The following THEMIS2 variants were observed in gnomAD, a reference collection of about 807,000 sequenced individuals.
The protein encoded by THEMIS2 is protein THEMIS2.
THEMIS2 carries 29 observed loss-of-function variants against 46.8 expected under a neutral mutation model. The observed-to-expected ratio is 0.62, with a 90% CI of 0.46 to 0.84. The LOEUF (loss-of-function observed/expected upper bound fraction) is 0.84. Among genes scored for constraint, THEMIS2 ranks in the 40% least tolerant of loss-of-function variants. The pLI is 0.00. For missense variants in THEMIS2, 698 were observed against 834.7 expected (o/e 0.84, Z 2.02); for synonymous variants, 335 against 349.1 (o/e 0.96, Z 0.45).
rs76072311 is a variant in THEMIS2, at chr1:27,882,491, C to T, written c.1167C>T (p.Asp389=). The T allele has an allele frequency of 0.046, 73,633 of 1,613,328 alleles. 1,999 individuals carry two copies. The highest frequency in any genetic ancestry group is 0.055 in the Non-Finnish European group (64,538 of 1,179,414). The change falls in exon 4 of 6, where the codon GAC becomes GAT. Residue 389 remains aspartate, a synonymous_variant. Coordinates refer to ENST00000373921, the MANE Select transcript of THEMIS2 (RefSeq NM_001105556.3). This position sits in a 1 kb window ranked among gnomAD's most constrained non-coding sequence, Gnocchi z 7.6. The part of the protein sequence containing the change: ...PGQAHGAQGS[D]VDVLVCQRLS... ...AGGCCCATGGGGCCCAGGGCAGTGA[C>T]GTGGATGTCTTGGTTTGTCAGCGGC...
At chr1:27,876,070 C>T (rs1346109719) in intron 1 of THEMIS2, among the ~76,000 whole-genome samples, 10 of 152,002 alleles carry the variant, frequency 6.6e-5, no homozygotes, top group Admixed American at 6.6e-4. Context: ...CAGTGCCCCT[C>T]TATTTTCCAG....
intron 2 of THEMIS2, 46 bp downstream of exon 2, chr1:27,876,774 G>C: frequency 6.2e-7 from 1 of 1,603,610 alleles, no homozygotes; most frequent in Non-Finnish European, 8.5e-7. Flanking sequence ...GCACTCTCCT[G>C]GCACACCCGC....
Position 27,880,021 on chromosome 1 carries a change from C to A in THEMIS2, c.613C>A (p.Arg205=), listed in dbSNP as rs550315014. The A allele has an allele frequency of 8.7e-6, 14 of 1,607,506 alleles. No homozygotes were observed. The highest frequency in any genetic ancestry group is 1.2e-5 in the Non-Finnish European group (14 of 1,175,060). Residue 205 remains arginine (R), a synonymous_variant, in exon 3 of 6, where the codon CGG becomes AGG. Coordinates refer to ENST00000373921, the MANE Select transcript of THEMIS2 (RefSeq NM_001105556.3). ...CCTGCCCTGGCATTCCCTGATCCTGCGGCCCCAGTATGAGATCCAAGCCAT... is the reference window on the plus strand; with the variant it reads ...CCTGCCCTGGCATTCCCTGATCCTGAGGCCCCAGTATGAGATCCAAGCCAT... The part of the protein sequence containing the change: ...PTLPWHSLIL[R]PQYEIQAIMH...
intron 3 of THEMIS2, among the ~76,000 whole-genome samples, chr1:27,881,700 C>T (rs1342002730): frequency 6.6e-6 from 1 of 151,806 alleles, no homozygotes; most frequent in Non-Finnish European, 1.5e-5. Context: ...TGGTGGCGGG[C>T]GCCTGTAATC....
chr1:27,877,732 G>T (rs1465031697), intron 2 of THEMIS2, among the ~76,000 whole-genome samples: 1 of 152,280 alleles, frequency 6.6e-6, no homozygotes, highest in South Asian at 2.1e-4. Flanking sequence ...AGCTAGGCAG[G>T]TTCCTCTCTG....
chr1:27,881,896 G>C, intron 3 of THEMIS2, 75 bp from the exon 4 acceptor site: 1 of 1,260,864 alleles, frequency 7.9e-7, no homozygotes, highest in Non-Finnish European at 1.1e-6. Flanking sequence ...AGCCGGCCCA[G>C]CCAATGCTCT....
rs2089691880 is a variant in THEMIS2 at position 27,882,185 on chromosome 1, G to C, written c.861G>C (p.Gln287His). 1 of 1,613,942 alleles carries C rather than the reference G, an allele frequency of 6.2e-7. No individual in the cohort carries two copies. Among genetic ancestry groups the C allele is most frequent in the Non-Finnish European group, 8.5e-7 (1 of 1,179,898 alleles). The part of the protein sequence containing the change: ...SPWVGSLQKG[Q>H]RLCVYGLASP... Reference sequence around the variant, plus strand: ...GGGTGGGCTCCTTGCAAAAAGGCCAGAGGCTTTGCGTCTATGGCCTAGCCT... The same window carrying C: ...GGGTGGGCTCCTTGCAAAAAGGCCACAGGCTTTGCGTCTATGGCCTAGCCT... Residue 287 changes from glutamine to histidine, a missense_variant, in exon 4 of 6, where the codon CAG becomes CAC. Transcript: ENST00000373921. This position sits in a 1 kb window ranked among gnomAD's most constrained non-coding sequence, Gnocchi z 7.6.
At chr1:27,881,191 C>A (rs1458908151) in intron 3 of THEMIS2, among the ~76,000 whole-genome samples, 6 of 151,874 alleles carry the variant, frequency 4.0e-5, no homozygotes, top group African/African-American at 1.5e-4. Flanking sequence ...TGGCTCACGC[C>A]TGTAATCCTA....
At position 27,882,358 on chromosome 1, in the gene THEMIS2, G is replaced by T; in HGVS notation, c.1034G>T (p.Arg345Leu). 6.3e-7 allele frequency: 1 copy of T among 1,582,512 alleles called. No individual in the cohort carries two copies. The highest frequency in any genetic ancestry group is 8.6e-7 in the Non-Finnish European group (1 of 1,161,362). The change falls in exon 4 of 6, where the codon CGG becomes CTG. Residue 345 changes from arginine to leucine, a missense_variant. Physicochemically the swap from Arg to Leu is moderately radical, Grantham distance 102. Transcript: ENST00000373921. This position sits in a 1 kb window ranked among gnomAD's most constrained non-coding sequence, Gnocchi z 7.6. The part of the protein sequence containing the change: ...YDLLGAFQPG[R>L]PLRVVATKDC... The stretch of plus-strand genomic sequence containing the variant: ...CTCCTAGGTGCTTTCCAGCCAGGCC[G>T]GCCACTCCGGGTGGTGGCCACAAAG...
chr1:27,879,717 C>T lies in THEMIS2; in HGVS notation c.309C>T (p.Ser103=), dbSNP rs1056608063. 1 of 1,613,976 alleles carries T rather than the reference C, an allele frequency of 6.2e-7. No homozygotes were observed. The highest frequency in any genetic ancestry group is 1.3e-5 in the African/African-American group (1 of 74,910). The stretch of plus-strand genomic sequence containing the variant: ...AGCTGGTCTCTGCCACAACTCAGAG[C>T]TCCAAGCAGCTGCCCACTTGCTTCA... ...LEELVSATTQ[S]SKQLPTCFMS... is the part of the protein sequence containing the mutation. The change falls in exon 3 of 6, where the codon AGC becomes AGT. Residue 103 remains serine (S), a synonymous_variant. Transcript: ENST00000373921.
At chr1:27,885,266 C>A (rs185853171) in intron 4 of THEMIS2, 29 bp from the exon 5 acceptor site, 39 of 1,611,348 alleles carry the variant, frequency 2.4e-5, no homozygotes, top group Admixed American at 1.3e-4. Flanking sequence ...TTCTTGAGAC[C>A]CTGATGATTT....
Position 27,881,987 on chromosome 1 carries a change from C to G in THEMIS2, c.663C>G (p.Val221=), listed in dbSNP as rs1405305902. The G allele has an allele frequency of 1.2e-6, 2 of 1,613,086 alleles. No individual in the cohort carries two copies. Among genetic ancestry groups the G allele is most frequent in the Non-Finnish European group, 8.5e-7 (1 of 1,179,460 alleles). ...TCTCCACAGTGCGCAGGACCATTGT[C>G]AAGATCCCTTCTACCCTGGAGGTCG... ...QAIMHMRRTI[V]KIPSTLEVDV... The change falls in exon 4 of 6, where the codon GTC becomes GTG. Residue 221 remains valine, a synonymous_variant. Coordinates refer to ENST00000373921, the MANE Select transcript of THEMIS2 (RefSeq NM_001105556.3).
In THEMIS2 at chr1:27,882,412, C is replaced by G; in HGVS notation, c.1088C>G (p.Pro363Arg). Residue 363 changes from proline (P) to arginine (R), a missense_variant, in exon 4 of 6, where the codon CCC becomes CGC. Coordinates refer to ENST00000373921, the MANE Select transcript of THEMIS2 (RefSeq NM_001105556.3). The surrounding 1 kb of genome is among the most constrained non-coding windows in gnomAD (Gnocchi z 7.6). ...TGTGAGGGCGAGAGGGAGGAGAATCCCGAGTTCACGTCCCTGGCTGTGGGT... is the reference window on the plus strand; with the variant it reads ...TGTGAGGGCGAGAGGGAGGAGAATCGCGAGTTCACGTCCCTGGCTGTGGGT... ...KDCEGEREEN[P>R]EFTSLAVGDR... 6.2e-7 allele frequency: 1 copy of G among 1,610,950 alleles called. No individual in the cohort carries two copies. Among genetic ancestry groups the G allele is most frequent in the Non-Finnish European group, 8.5e-7 (1 of 1,177,908 alleles).
Position 27,876,603 on chromosome 1 carries a change from T to C in THEMIS2, c.110T>C (p.Ile37Thr), listed in dbSNP as rs957767444. 17 of 1,613,638 alleles carry C rather than the reference T, an allele frequency of 1.1e-5. No homozygotes were observed. The highest frequency in any genetic ancestry group is 1.4e-5 in the Non-Finnish European group (16 of 1,179,882). ...GTCTCCGCAGGCTCCATCTATGAGA[T>C]CTCTGGGAATGAGTGCTGCCTCTCC... is the stretch of plus-strand genomic sequence containing the variant. ...GVYFEGSIYE[I>T]SGNECCLSTG... Residue 37 changes from isoleucine to threonine, a missense_variant, in exon 2 of 6, where the codon ATC becomes ACC. By Grantham distance (89) the Ile-to-Thr change is moderately conservative. Coordinates refer to ENST00000373921, the MANE Select transcript of THEMIS2 (RefSeq NM_001105556.3).
At position 27,879,852 on chromosome 1, in the gene THEMIS2, G is replaced by C. The variant is rs559721374; in HGVS notation, c.444G>C (p.Leu148=). The C allele has an allele frequency of 1.1e-5, 17 of 1,613,198 alleles. No homozygotes were observed. The Admixed American group carries it at 2.3e-4, about 22-fold the overall frequency. Residue 148 remains leucine, a synonymous_variant, in exon 3 of 6, where the codon CTG becomes CTC. Coordinates refer to ENST00000373921, the MANE Select transcript of THEMIS2 (RefSeq NM_001105556.3). ...GGATCCGCTCTGCCCGCTGTGTCCT[G>C]GGCATGGAGGGTCAGCAGGTCATCC... is the stretch of plus-strand genomic sequence containing the variant. ...HLGIRSARCV[L]GMEGQQVILH...
At chr1:27,884,766 G>A in intron 4 of THEMIS2, 1 of 156,490 alleles carries the variant, frequency 6.4e-6, no homozygotes, top group Non-Finnish European at 1.4e-5. Context: ...CCAAACCTTG[G>A]CCCTGCTGTG....
At chr1:27,874,984 C>CTTCT (rs796354823) in intron 1 of THEMIS2, among the ~76,000 whole-genome samples, 1 of 145,976 alleles carries the variant, frequency 6.9e-6, no homozygotes, top group Non-Finnish European at 1.5e-5. Context: ...TCTTCTTCTT[C>CTTCT]TTTTTTTTTT....
Position 27,872,614 on chromosome 1 carries a change from C to G in THEMIS2, c.43C>G (p.Pro15Ala). Residue 15 changes from proline to alanine, a missense_variant, in exon 1 of 6, where the codon CCC becomes GCC. Pro to Ala is a conservative substitution (Grantham distance 27, BLOSUM62 -1). Coordinates refer to ENST00000373921, the MANE Select transcript of THEMIS2 (RefSeq NM_001105556.3). The surrounding 1 kb of genome is among the most constrained non-coding windows in gnomAD (Gnocchi z 4.9). Reference protein sequence around the residue: ...PLQDFVRALDPASLPRVLRVC... With the variant: ...PLQDFVRALDAASLPRVLRVC... ...GCAGGACTTCGTGCGCGCCTTGGAC[C>G]CCGCCTCCCTCCCGCGCGTGCTGCG... 3 of 1,480,254 alleles carry G rather than the reference C, an allele frequency of 2.0e-6. No individual in the cohort carries two copies. The highest frequency in any genetic ancestry group is 2.7e-6 in the Non-Finnish European group (3 of 1,116,278). The allele number at this position is 1,480,254 out of a possible 1,614,324, so 91.7% of individuals were successfully genotyped here.
chr1:27,882,242 G>A lies in THEMIS2; in HGVS notation c.918G>A (p.Lys306=). The A allele has an allele frequency of 1.2e-6, 2 of 1,607,922 alleles. No homozygotes were observed. The highest frequency in any genetic ancestry group is 1.7e-5 in the Admixed American group (1 of 59,452). The change falls in exon 4 of 6, where the codon AAG becomes AAA. Residue 306 remains lysine, a synonymous_variant. Transcript: ENST00000373921. The surrounding 1 kb of genome is among the most constrained non-coding windows in gnomAD (Gnocchi z 7.6). The part of the protein sequence containing the change: ...SPPWRVLASS[K]GRKVPRHFLV... ...CCTGGCGGGTCCTGGCCTCAAGCAA[G>A]GGCCGCAAGGTGCCCAGGCACTTCC...
Sources: gnomAD v4.1 joint callset for allele counts (sites outside exome capture counted in the v4.1 genomes callset) on GRCh38, gnomAD v4.1.1 for gene constraint, Gnocchi (gnomAD v3.1) non-coding constraint, MANE v1.5 for transcripts, NCBI Gene and HGNC (gene_info 2026-07-23, HGNC 2026-07-21) for gene names.